ITPKB: variants seen among roughly 807,000 people sequenced by gnomAD.
ITPKB encodes inositol-trisphosphate 3-kinase B.
In ITPKB, 13 loss-of-function variants were observed where a neutral mutation model predicts 69.4. That is an observed-to-expected ratio of 0.19 (90% CI 0.12 to 0.30). The LOEUF (loss-of-function observed/expected upper bound fraction) is 0.30. ITPKB is among the 10% of genes least tolerant of loss of function. The pLI is 1.00. For missense variants in ITPKB, 1,240 were observed against 1,250.5 expected, an observed-to-expected ratio of 0.99 and a Z score of 0.13; for synonymous variants, 584 against 513.7, an observed-to-expected ratio of 1.14 and a Z score of -1.85.
At chr1:226,721,223 C>T (rs988104598) in intron 2 of ITPKB, among the ~76,000 whole-genome samples, 3 of 150,550 alleles carry the variant, frequency 2.0e-5, no homozygotes, top group African/African-American at 7.3e-5. Context: ...TGGCACATGC[C>T]TGTAATCCCA....
chr1:226,671,482 G>T (rs1159861716), intron 2 of ITPKB, among the ~76,000 whole-genome samples: 1 of 152,232 alleles, frequency 6.6e-6, no homozygotes, highest in Non-Finnish European at 1.5e-5. Flanking sequence ...ATTTACAGAT[G>T]TGCCACTGTT....
Position 226,736,475 on chromosome 1 carries a change from C to G in ITPKB, c.984G>C (p.Gly328=), listed in dbSNP as rs777464689. ...GCAGGTCCTCAAGCTCACGGGCTCT[C>G]CCAGACGGCTCAGTGAGGGCAAGAT... ...PQDLALTEPS[G]RARELEDLQP... Residue 328 remains glycine, a synonymous_variant, in exon 2 of 8, where the codon GGG becomes GGC. Coordinates refer to ENST00000429204, the MANE Select transcript of ITPKB (RefSeq NM_002221.4). 6.2e-7 allele frequency: 1 copy of G among 1,613,904 alleles called. No individual in the cohort carries two copies. Among genetic ancestry groups the G allele is most frequent in the East Asian group, 2.2e-5 (1 of 44,884 alleles).
In ITPKB at chr1:226,665,532, A is replaced by T. The variant is rs75767740; in HGVS notation, c.1933-16761T>A. On this transcript the variant is annotated intron_variant, in intron 2 of 7. Coordinates refer to ENST00000429204, the MANE Select transcript of ITPKB (RefSeq NM_002221.4). ...TAAGATGTGGCCCTTCGGGTCTGAA[A>T]GATGAAATAGAACACCAAGACAAAA... 4.8e-3 allele frequency among the ~76,000 whole-genome samples: 738 copies of T among 152,338 alleles called. 17 individuals are homozygous for T. The East Asian group carries it at 0.056, about 12-fold the overall frequency.
At chr1:226,645,515 C>T (rs1144837) in intron 4 of ITPKB, among the ~76,000 whole-genome samples, 7,149 of 152,246 alleles carry the variant, frequency 0.047, 571 homozygotes, top group African/African-American at 0.16. Context: ...TTGGGACAGC[C>T]GACTTCCAGA....
intron 6 of ITPKB, among the ~76,000 whole-genome samples, chr1:226,638,707 C>T (rs1313588525): frequency 6.6e-6 from 1 of 152,118 alleles, no homozygotes; most frequent in African/African-American, 2.4e-5. Context: ...CTCCTGGACT[C>T]GGAGACAGCT....
At chr1:226,727,100 C>T (rs1379728384) in intron 2 of ITPKB, among the ~76,000 whole-genome samples, 2 of 152,180 alleles carry the variant, frequency 1.3e-5, no homozygotes, top group Non-Finnish European at 2.9e-5. Context: ...CAGTCGTCAT[C>T]CTTTCCCCAT....
chr1:226,641,943 C>T lies in ITPKB; in HGVS notation c.2429G>A (p.Gly810Glu). 1 of 1,613,994 alleles carries T rather than the reference C, an allele frequency of 6.2e-7. No homozygotes were observed. Among genetic ancestry groups the T allele is most frequent in the Non-Finnish European group, 8.5e-7 (1 of 1,179,976 alleles). ...RETISSTATL[G>E]FRIEGIKKED... is the part of the protein sequence containing the mutation. ...CACCTTGATTCCCTCGATCCTGAAC[C>T]CCAGGGTGGCCGTGGAGCTGATGGT... Residue 810 changes from glycine to glutamate, a missense_variant, in exon 5 of 8, where the codon GGG (glycine) becomes GAG (glutamate). Gly to Glu is a moderately conservative substitution (Grantham distance 98). Transcript: ENST00000429204. The surrounding 1 kb of genome is among the most constrained non-coding windows in gnomAD (Gnocchi z 4.6).
At chr1:226,668,097 G>A (rs1348621173) in intron 2 of ITPKB, among the ~76,000 whole-genome samples, 1 of 152,148 alleles carries the variant, frequency 6.6e-6, no homozygotes, top group African/African-American at 2.4e-5. Context: ...TTTTTACCAT[G>A]ACCATGAGCT....
At chr1:226,715,621 A>G (rs1207613688) in intron 2 of ITPKB, among the ~76,000 whole-genome samples, 2 of 152,238 alleles carry the variant, frequency 1.3e-5, no homozygotes, top group South Asian at 2.1e-4. Context: ...AATAAACCAA[A>G]CACAAATATC....
chr1:226,721,081 C>T (rs1571874358), intron 2 of ITPKB, among the ~76,000 whole-genome samples: 1 of 148,526 alleles, frequency 6.7e-6, no homozygotes, highest in South Asian at 2.2e-4. Flanking sequence ...CAGTGGTTCA[C>T]GCCTATAATC....
intron 2 of ITPKB, among the ~76,000 whole-genome samples, chr1:226,663,495 C>G (rs901127318): frequency 6.6e-6 from 1 of 151,870 alleles, no homozygotes; most frequent in South Asian, 2.1e-4. Flanking sequence ...TACAATGATT[C>G]AACATTTCTT....
intron 2 of ITPKB, among the ~76,000 whole-genome samples, chr1:226,684,345 C>G (rs1335773472): frequency 1.3e-5 from 2 of 152,166 alleles, no homozygotes; most frequent in Non-Finnish European, 2.9e-5. Context: ...AGAAGGAGAC[C>G]AGCACCAGCC....
chr1:226,703,498 C>G (rs971168639), intron 2 of ITPKB, among the ~76,000 whole-genome samples: 1 of 152,176 alleles, frequency 6.6e-6, no homozygotes, highest in Non-Finnish European at 1.5e-5. Flanking sequence ...TGTCGCTGCC[C>G]GGCCCCCACC....
chr1:226,703,516 T>TCCTCCCGCGCGCGCTCTGCCCG (rs1326170407), intron 2 of ITPKB, among the ~76,000 whole-genome samples: 2 of 152,010 alleles, frequency 1.3e-5, no homozygotes, highest in African/African-American at 4.8e-5. Context: ...ACCTCCTCTC[T>TCCTCCCGCGCGCGCTCTGCCCG]CCTCCCGCGC....
rs149701687 is a variant in ITPKB at position 226,711,266 on chromosome 1, A to G, written c.1932+24261T>C. The stretch of plus-strand genomic sequence containing the variant: ...GACATTTCTCAGCCTAACATCCTCT[A>G]CCTCCTTCCTACTCCACCTCCCCAA... On this transcript the variant is annotated intron_variant, in intron 2 of 7. Transcript: ENST00000429204. Among the ~76,000 whole-genome samples the G allele has an allele frequency of 3.0e-4, 46 of 151,836 alleles. No homozygotes were observed. The East Asian group carries it at 8.7e-3, about 29-fold the overall frequency.
At chr1:226,680,837 G>A (rs781405661) in intron 2 of ITPKB, among the ~76,000 whole-genome samples, 5 of 152,168 alleles carry the variant, frequency 3.3e-5, no homozygotes, top group Non-Finnish European at 7.4e-5. Context: ...CCCTGTCCCT[G>A]GGACAAACGG....
chr1:226,646,189 G>A (rs1378452930), intron 4 of ITPKB, among the ~76,000 whole-genome samples: 1 of 152,234 alleles, frequency 6.6e-6, no homozygotes, highest in Admixed American at 6.5e-5. Context: ...GCATGGGGGG[G>A]CTTGGCATCT....
intron 2 of ITPKB, among the ~76,000 whole-genome samples, chr1:226,655,511 T>C (rs3754387): frequency 0.18 from 27,672 of 152,230 alleles, 2,629 homozygotes; most frequent in Middle Eastern, 0.31. Context: ...GCTCTCTTTT[T>C]GGGGCTCAGA....
chr1:226,708,778 GT>G (rs58961508), intron 2 of ITPKB, among the ~76,000 whole-genome samples: 2 of 152,318 alleles, frequency 1.3e-5, no homozygotes, highest in East Asian at 1.9e-4. Context: ...GAAAGAATGT[GT>G]TTTCTTTATT....
Sources: gnomAD v4.1 joint callset for allele counts (sites outside exome capture counted in the v4.1 genomes callset) on GRCh38, gnomAD v4.1.1 for gene constraint, Gnocchi (gnomAD v3.1) non-coding constraint, MANE v1.5 for transcripts, NCBI Gene and HGNC (gene_info 2026-07-23, HGNC 2026-07-21) for gene names.